The following LMF1 variants were observed in gnomAD, a reference collection of about 807,000 sequenced individuals.
The protein encoded by LMF1 is transmembrane protein 112.
Under a neutral mutation model 60.6 loss-of-function variants are expected in LMF1, and 68 were observed. The ratio of observed to expected loss-of-function variants is 1.12; its 90% CI spans 0.92 to 1.37. The LOEUF is 1.37. Ranked by LOEUF, LMF1 falls within the 40% of genes most tolerant of loss-of-function variation. LMF1 has a pLI of 0.00. For missense variants in LMF1, 948 were observed against 767.2 expected, an observed-to-expected ratio of 1.24 and a Z score of -2.78; for synonymous variants, 418 against 324.7, an observed-to-expected ratio of 1.29 and a Z score of -3.09.
intron 1 of LMF1, among the ~76,000 whole-genome samples, chr16:956,877 G>A (rs911275060): frequency 7.3e-5 from 11 of 150,868 alleles, no homozygotes; most frequent in East Asian, 1.9e-4. Context: ...TTTAAGGGTC[G>A]GGCACGGTGG....
At chr16:861,175 T>C (rs1451713991) in intron 10 of LMF1, among the ~76,000 whole-genome samples, 1 of 152,208 alleles carries the variant, frequency 6.6e-6, no homozygotes, top group Admixed American at 6.5e-5. Context: ...ATGTAAGTTC[T>C]GTGCATGTTT....
intron 3 of LMF1, among the ~76,000 whole-genome samples, chr16:913,032 C>T (rs968793128): frequency 6.6e-6 from 1 of 152,244 alleles, no homozygotes; most frequent in Admixed American, 6.5e-5. Context: ...CCACAGCACA[C>T]GCTGCCACTG....
intron 3 of LMF1, chr16:931,899 A>G: frequency 1.1e-6 from 1 of 907,252 alleles, no homozygotes; most frequent in Non-Finnish European, 1.5e-6. Context: ...TACAATTACC[A>G]CCTGCTACCG....
chr16:879,793 G>A, intron 5 of LMF1, 56 bp from the exon 6 acceptor site: 1 of 1,516,154 alleles, frequency 6.6e-7, no homozygotes, highest in Non-Finnish European at 8.9e-7. Context: ...GGCGGGGCTA[G>A]GGAGAGGCTT....
chr16:946,184 G>A (rs559636545), intron 2 of LMF1, among the ~76,000 whole-genome samples: 1 of 152,360 alleles, frequency 6.6e-6, no homozygotes, highest in South Asian at 2.1e-4. Flanking sequence ...CCTTAGAAGT[G>A]GACCTGCAAC....
At chr16:876,581 A>T (rs1310533236) in intron 6 of LMF1, among the ~76,000 whole-genome samples, 3 of 152,240 alleles carry the variant, frequency 2.0e-5, no homozygotes, top group African/African-American at 7.2e-5. Context: ...GTCTCTGCAC[A>T]GTTTTTCCGA....
At chr16:949,465 G>C (rs113915578) in intron 2 of LMF1, among the ~76,000 whole-genome samples, 2 of 150,176 alleles carry the variant, frequency 1.3e-5, no homozygotes, top group African/African-American at 4.9e-5. Context: ...CAATGACAGA[G>C]TCAGAGCCAA....
At chr16:858,104 G>A (rs1178534490) in intron 10 of LMF1, among the ~76,000 whole-genome samples, 1 of 94,456 alleles carries the variant, frequency 1.1e-5, no homozygotes, top group Non-Finnish European at 2.0e-5. Context: ...GGTGTGAGTG[G>A]TGTCTCGGGA....
intron 1 of LMF1, among the ~76,000 whole-genome samples, chr16:966,789 A>C (rs527817912): frequency 2.5e-4 from 38 of 152,274 alleles, no homozygotes; most frequent in Admixed American, 2.2e-3. Context: ...CCACACAGCT[A>C]AGGTGTGGCC....
intron 7 of LMF1, 71 bp from the exon 8 acceptor site, chr16:870,953 G>T: frequency 1.3e-6 from 2 of 1,512,896 alleles, no homozygotes; most frequent in East Asian, 2.4e-5. Flanking sequence ...GGAGACCCCA[G>T]CTGCTGCTCC....
rs144923549 is a variant in LMF1 at position 890,631 on chromosome 16, A to G, written c.729+2376T>C. On this transcript the variant is annotated intron_variant, in intron 5 of 10. Coordinates refer to ENST00000262301, the MANE Select transcript of LMF1 (RefSeq NM_022773.4). The stretch of plus-strand genomic sequence containing the variant: ...TGGGAGTGGCCTCAGCCACAATCCA[A>G]CCTCCCAGGAGGCTCCACCTTCCAG... 5.5e-3 allele frequency among the ~76,000 whole-genome samples: 842 copies of G among 152,180 alleles called. 10 individuals carry two copies. The highest frequency in any genetic ancestry group is 0.019 in the African/African-American group (793 of 41,528).
At chr16:865,018 G>A (rs1409280363) in intron 10 of LMF1, among the ~76,000 whole-genome samples, 1 of 152,042 alleles carries the variant, frequency 6.6e-6, no homozygotes, top group Non-Finnish European at 1.5e-5. Flanking sequence ...TGATTTCTTT[G>A]TTTTTCCCAA....
intron 4 of LMF1, chr16:903,084 G>A (rs1203061586): frequency 2.9e-5 from 2 of 68,966 alleles, no homozygotes; most frequent in Non-Finnish European, 4.7e-5. Context: ...GCTGCGTGGT[G>A]GTGACCTCTG....
chr16:932,632 CA>C (rs1370466995), intron 3 of LMF1, among the ~76,000 whole-genome samples: 1 of 152,146 alleles, frequency 6.6e-6, no homozygotes, highest in Non-Finnish European at 1.5e-5. Flanking sequence ...CTATGTTGCC[CA>C]GGCTGGTCTG....
rs768226611 is a variant in LMF1, at chr16:870,723, T to A, written c.1232+6A>T. Reference sequence around the variant, plus strand: ...GCTCCGGGGGACGGGGACCCCAGGCTCATACCTTCCGAAGGCCCCGTAAGT... The same window carrying A: ...GCTCCGGGGGACGGGGACCCCAGGCACATACCTTCCGAAGGCCCCGTAAGT... On this transcript the variant is annotated splice_donor_region_variant and intron_variant, in intron 8 of 10. Coordinates refer to ENST00000262301, the MANE Select transcript of LMF1 (RefSeq NM_022773.4). The A allele has an allele frequency of 1.2e-6, 2 of 1,612,474 alleles. No homozygotes were observed. Among genetic ancestry groups the A allele is most frequent in the East Asian group, 4.5e-5 (2 of 44,868 alleles).
In LMF1 at chr16:874,780, C is replaced by T. The variant is rs1165137448; in HGVS notation, c.898-3439G>A. On this transcript the variant is annotated intron_variant, in intron 6 of 10. Coordinates refer to ENST00000262301, the MANE Select transcript of LMF1 (RefSeq NM_022773.4). This position sits in a 1 kb window ranked among gnomAD's most constrained non-coding sequence, Gnocchi z 4.1. ...GGAACCAGGACAGGCTCCAGGCAGG[C>T]GGCGCTCAGAAGTCTCAGGGCACTC... 3.9e-5 allele frequency among the ~76,000 whole-genome samples: 6 copies of T among 152,056 alleles called. No homozygotes were observed. The highest frequency in any genetic ancestry group is 2.1e-4 in the South Asian group (1 of 4,812).
intron 1 of LMF1, chr16:976,752 G>A (rs1220132918): frequency 2.2e-6 from 1 of 454,124 alleles, no homozygotes; most frequent in Non-Finnish European, 4.4e-6. Flanking sequence ...AGCTGTTCCC[G>A]ACACATCCGT....
At chr16:886,934 GA>G (rs2070325489) in intron 5 of LMF1, 1 of 148,648 alleles carries the variant, frequency 6.7e-6, no homozygotes, top group East Asian at 2.0e-4. Context: ...AGCACACAGA[GA>G]AAACATTCTC....
At chr16:924,866 CG>C (rs1411686605) in intron 3 of LMF1, among the ~76,000 whole-genome samples, 1 of 152,190 alleles carries the variant, frequency 6.6e-6, no homozygotes, top group African/African-American at 2.4e-5. Flanking sequence ...TGATCTATGG[CG>C]GTTTAGGCAA....
Sources: allele counts gnomAD v4.1 joint callset (sites outside exome capture counted in the v4.1 genomes callset), GRCh38; gene constraint gnomAD v4.1.1; non-coding constraint Gnocchi (gnomAD v3.1); transcripts MANE v1.5; gene names NCBI Gene and HGNC (gene_info 2026-07-23, HGNC 2026-07-21).